The following TJP3 variants were observed in gnomAD, a reference collection of about 807,000 sequenced individuals.
TJP3 encodes tight junction protein ZO-3.
Under a neutral mutation model 104.2 loss-of-function variants are expected in TJP3, and 85 were observed. The ratio of observed to expected loss-of-function variants is 0.82; its 90% CI spans 0.68 to 0.98. The LOEUF (loss-of-function observed/expected upper bound fraction) is 0.98, where lower values mean the gene tolerates loss of function less well. TJP3 is among the 50% of genes least tolerant of loss of function. The probability of loss-of-function intolerance (pLI) is 0.00; values close to 1 mark genes in which losing one functional copy is unlikely to be tolerated. For synonymous variants in TJP3, 550 were observed against 550.6 expected (o/e 1.00, Z 0.02); for missense variants, 1,367 against 1,322.8 (o/e 1.03, Z -0.52).
chr19:3,711,006 C>T (rs1444920977), intron 1 of TJP3, among the ~76,000 whole-genome samples: 1 of 150,566 alleles, frequency 6.6e-6, no homozygotes, highest in African/African-American at 2.4e-5. Flanking sequence ...CGGGTTCACG[C>T]CATACTCCTG....
Position 3,717,733 on chromosome 19 carries a change from C to T in TJP3, c.-10+9172C>T, listed in dbSNP as rs557301629. ...ACAGGCATGAGCCACTGCACCCTGC[C>T]TAAGATATTTTTAAAAATTTTTGTG... On this transcript the variant is annotated intron_variant, in intron 1 of 20. Coordinates refer to ENST00000541714, the MANE Select transcript of TJP3 (RefSeq NM_001267560.2). Among the ~76,000 whole-genome samples the T allele has an allele frequency of 2.8e-4, 42 of 152,100 alleles. No individual in the cohort carries two copies. In the East Asian group the frequency reaches 8.2e-3, roughly 30 times the overall value.
At chr19:3,732,121 C>T in intron 6 of TJP3, 83 bp downstream of exon 6, 1 of 1,141,396 alleles carries the variant, frequency 8.8e-7, no homozygotes, top group Admixed American at 2.3e-5. Flanking sequence ...ACAGCAAGGA[C>T]AGCAGAACTG....
intron 5 of TJP3, among the ~76,000 whole-genome samples, chr19:3,731,692 G>T (rs1014393717): frequency 6.6e-6 from 1 of 152,100 alleles, no homozygotes; most frequent in African/African-American, 2.4e-5. Context: ...ATGAGCAATA[G>T]AATGCCCTTA....
At chr19:3,734,539 C>T (rs560564358) in intron 8 of TJP3, 104 bp downstream of exon 8, 6 of 1,022,820 alleles carry the variant, frequency 5.9e-6, no homozygotes, top group Admixed American at 5.5e-5. Flanking sequence ...ACCTTGAGGA[C>T]GCAGTCCTGT....
intron 1 of TJP3, chr19:3,721,648 G>T (rs145637314): frequency 3.1e-6 from 1 of 325,244 alleles, no homozygotes; most frequent in Non-Finnish European, 5.6e-6. Flanking sequence ...GATGGGAGGT[G>T]GGGAGAGAAA....
chr19:3,714,250 A>G (rs1264507094), intron 1 of TJP3, among the ~76,000 whole-genome samples: 1 of 151,738 alleles, frequency 6.6e-6, no homozygotes, highest in Admixed American at 6.6e-5. Flanking sequence ...GGGTTTCATC[A>G]TCTTGGCCTG....
chr19:3,715,789 T>C (rs890100263), intron 1 of TJP3, among the ~76,000 whole-genome samples: 1 of 152,138 alleles, frequency 6.6e-6, no homozygotes, highest in African/African-American at 2.4e-5. Context: ...TTTTATTTTA[T>C]TTTTTTGAGT....
chr19:3,715,935 C>T (rs1246440997), intron 1 of TJP3, among the ~76,000 whole-genome samples: 47 of 151,858 alleles, frequency 3.1e-4, no homozygotes. Flanking sequence ...CCCACCACCA[C>T]ACTCGGCTAA....
At chr19:3,740,519 C>G in intron 13 of TJP3, 33 bp from the exon 14 acceptor site, 1 of 1,317,974 alleles carries the variant, frequency 7.6e-7, no homozygotes, top group Non-Finnish European at 9.8e-7. Context: ...GCTGCTGACC[C>G]CAGTGCTCAG....
chr19:3,711,388 A>G (rs1242408513), intron 1 of TJP3, among the ~76,000 whole-genome samples: 5 of 139,394 alleles, frequency 3.6e-5, no homozygotes, highest in African/African-American at 1.1e-4. Flanking sequence ...TAGTAGAGAC[A>G]GGGTTTCACC....
chr19:3,724,411 A>C (rs190125433), intron 1 of TJP3, among the ~76,000 whole-genome samples: 2 of 152,118 alleles, frequency 1.3e-5, no homozygotes, highest in Non-Finnish European at 2.9e-5. Flanking sequence ...TAGCCAGGAT[A>C]GTCTCGATCT....
intron 1 of TJP3, among the ~76,000 whole-genome samples, chr19:3,717,573 T>C (rs879284697): frequency 1.3e-5 from 2 of 151,622 alleles, no homozygotes; most frequent in Non-Finnish European, 2.9e-5. Flanking sequence ...GTAGCTGGGA[T>C]TACAGGCGCC....
rs1568390368 is a variant in TJP3, at chr19:3,750,171, C to T, written c.2644C>T (p.Gln882Ter). The T allele has an allele frequency of 6.2e-7, 1 of 1,613,428 alleles. No individual in the cohort carries two copies. Among genetic ancestry groups the T allele is most frequent in the East Asian group, 2.2e-5 (1 of 44,814 alleles). The change falls in exon 20 of 21, where the codon CAG (glutamine) becomes TAG (stop). Residue 882 changes from glutamine (Q) to a stop codon, truncating the protein, a stop_gained. Transcript: ENST00000541714. LOFTEE classifies it high-confidence loss of function. ...CCGCCACCCCCAGGGACAGTGGCGA[C>T]AGGACAGCATGCGGTAAGAACCCCA... ...DSRHPQGQWRQDSMRTYEREA... is the reference protein window; with the variant it reads ...DSRHPQGQWR
At chr19:3,719,884 G>A (rs546044291) in intron 1 of TJP3, among the ~76,000 whole-genome samples, 3 of 152,280 alleles carry the variant, frequency 2.0e-5, no homozygotes, top group African/African-American at 7.2e-5. Context: ...TGTGATGGCC[G>A]CAAAAGGGAA....
chr19:3,720,900 T>C (rs1333487410), intron 1 of TJP3, among the ~76,000 whole-genome samples: 5 of 124,256 alleles, frequency 4.0e-5, no homozygotes, highest in Non-Finnish European at 5.0e-5. Context: ...TCCTTCCTTT[T>C]CTTTTTTTTT....
At chr19:3,731,585 A>G (rs1008357043) in intron 5 of TJP3, among the ~76,000 whole-genome samples, 3 of 152,078 alleles carry the variant, frequency 2.0e-5, no homozygotes, top group African/African-American at 7.2e-5. Flanking sequence ...GTGACCTGAG[A>G]TTTTGCCACT....
At chr19:3,728,778 C>G (rs1055048968) in intron 3 of TJP3, 65 bp downstream of exon 3, 4 of 1,515,636 alleles carry the variant, frequency 2.6e-6, no homozygotes, top group Admixed American at 1.9e-5. Flanking sequence ...CCAGGCCAGG[C>G]ACAGTGACTC....
rs754151380 is a variant in TJP3, at chr19:3,748,567, CTTTTTT to C, written c.2610+499_2610+504del. ...ACAGGCATGAGCCACTGCACCCAGG[CTTTTTT>C]TTTTTTTTTTTTGAGATGGAGTTTC... On this transcript the variant is annotated intron_variant, in intron 19 of 20. Transcript: ENST00000541714. 6.5e-4 allele frequency among the ~76,000 whole-genome samples: 70 copies of C among 107,910 alleles called. 1 individual carries two copies. The South Asian group carries it at 0.017, about 26-fold the overall frequency. The allele number at this position is 107,910 out of a possible 152,430, so 70.8% of individuals were successfully genotyped here. A position where few individuals can be genotyped will look rare whatever the true frequency, so the allele number is the denominator to read the frequency against.
At chr19:3,738,802 G>A (rs1316053866) in intron 12 of TJP3, 95 bp from the exon 13 acceptor site, 53 of 1,370,916 alleles carry the variant, frequency 3.9e-5, no homozygotes, top group Non-Finnish European at 5.1e-5. Flanking sequence ...TACAGGGAGA[G>A]TGCCCCAAAT....
Sources: allele counts gnomAD v4.1 joint callset (sites outside exome capture counted in the v4.1 genomes callset), GRCh38; gene constraint gnomAD v4.1.1; transcripts MANE v1.5; gene names NCBI Gene and HGNC (gene_info 2026-07-23, HGNC 2026-07-21).